Variants in N4BP3 observed in about 807,000 individuals in gnomAD.
N4BP3 encodes NEDD4 binding protein 3, also known as NEDD4-binding protein 3.
A neutral mutation model predicts 43.8 loss-of-function variants in N4BP3; 33 were observed. The ratio of observed to expected loss-of-function variants is 0.75; its 90% CI spans 0.57 to 1.01. N4BP3 has a LOEUF of 1.01. Ranked by LOEUF, N4BP3 falls within the 50% of genes least tolerant of loss-of-function variation. The pLI, the probability that N4BP3 is intolerant of heterozygous loss-of-function variation, is 0.00. For missense variants in N4BP3, 756 were observed against 744.2 expected, an observed-to-expected ratio of 1.02 and a Z score of -0.18; for synonymous variants, 326 against 321.9, an observed-to-expected ratio of 1.01 and a Z score of -0.14.
rs1757983315 is a variant in N4BP3 at position 178,123,613 on chromosome 5, T to C, written c.*1612T>C. On this transcript the variant is annotated 3_prime_UTR_variant, in exon 5 of 5. Coordinates refer to ENST00000274605, the MANE Select transcript of N4BP3 (RefSeq NM_015111.2). ...GCATGAGCTGGGGGGGCCCCCTTTT[T>C]CAGGGCAGAGAATGAGGCGTGTGCA... The C allele has an allele frequency of 1.3e-5, 2 of 153,086 alleles. No homozygotes were observed. The highest frequency in any genetic ancestry group is 1.3e-4 in the Admixed American group (2 of 15,286). 9.5% of individuals were successfully genotyped at this position (153,086 alleles called of 1,614,324 possible). A position where few individuals can be genotyped will look rare whatever the true frequency, so the allele number is the denominator to read the frequency against.
chr5:178,114,687 C>T (rs1190314368), intron 1 of N4BP3, among the ~76,000 whole-genome samples: 1 of 152,220 alleles, frequency 6.6e-6, no homozygotes, highest in African/African-American at 2.4e-5. Context: ...GCTTCTCTAC[C>T]GGCTGGCAGC....
At chr5:178,117,898 C>T (rs988187955) in intron 1 of N4BP3, among the ~76,000 whole-genome samples, 5 of 152,062 alleles carry the variant, frequency 3.3e-5, no homozygotes, top group Admixed American at 6.6e-5. Context: ...GTCCCCCTCC[C>T]GGAGAGCTTT....
downstream of N4BP3, among the ~76,000 whole-genome samples, chr5:178,126,763 A>G (rs1758073062): frequency 6.6e-6 from 1 of 152,204 alleles, no homozygotes; most frequent in Non-Finnish European, 1.5e-5. Flanking sequence ...ATTAACTCAC[A>G]GGAAAGGATA....
At chr5:178,126,668 TTC>T (rs1386054762), downstream of N4BP3, among the ~76,000 whole-genome samples, 3 of 152,164 alleles carry the variant, frequency 2.0e-5, no homozygotes, top group Non-Finnish European at 2.9e-5. Context: ...TTCTCTGATG[TTC>T]TCTTTTGTTT....
At position 178,113,600 on chromosome 5, in the gene N4BP3, T is replaced by G. The variant is rs1350296964; in HGVS notation, c.-202T>G. 6.6e-6 allele frequency: 1 copy of G among 151,650 alleles called. No individual in the cohort carries two copies. The highest frequency in any genetic ancestry group is 1.9e-4 in the East Asian group (1 of 5,146). 9.4% of individuals were successfully genotyped at this position (151,650 alleles called of 1,614,324 possible). On this transcript the variant is annotated 5_prime_UTR_variant, in exon 1 of 5. Transcript: ENST00000274605. The stretch of plus-strand genomic sequence containing the variant: ...CGCGTCCCTCCCTCGCCAATCCGGC[T>G]CCGGCGCCGGCGCCCGCCCGCGTTT...
rs1166814414 is a variant in N4BP3 at position 178,122,031 on chromosome 5, A to C, written c.*30A>C. ...AGCAGAGCGAGCTGACAGCAGCAAC[A>C]CTGTCAGAAGGTGCCCTGAGACGGC... On this transcript the variant is annotated 3_prime_UTR_variant, in exon 5 of 5. Coordinates refer to ENST00000274605, the MANE Select transcript of N4BP3 (RefSeq NM_015111.2). 6.4e-7 allele frequency: 1 copy of C among 1,555,716 alleles called. No individual in the cohort carries two copies. Among genetic ancestry groups the C allele is most frequent in the Admixed American group, 1.9e-5 (1 of 53,034 alleles).
chr5:178,126,816 A>G (rs1758074244), downstream of N4BP3, among the ~76,000 whole-genome samples: 1 of 152,138 alleles, frequency 6.6e-6, no homozygotes, highest in South Asian at 2.1e-4. Context: ...GCTGCTTGAG[A>G]GGTTTTATCT....
rs1757944431 is a variant in N4BP3 at position 178,122,038 on chromosome 5, G to A, written c.*37G>A. 6.5e-7 allele frequency: 1 copy of A among 1,543,992 alleles called. No individual in the cohort carries two copies. The highest frequency in any genetic ancestry group is 1.4e-5 in the African/African-American group (1 of 73,300). On this transcript the variant is annotated 3_prime_UTR_variant, in exon 5 of 5. Transcript: ENST00000274605. Reference sequence around the variant, plus strand: ...CGAGCTGACAGCAGCAACACTGTCAGAAGGTGCCCTGAGACGGCCGGCTCA... The same window carrying A: ...CGAGCTGACAGCAGCAACACTGTCAAAAGGTGCCCTGAGACGGCCGGCTCA...
chr5:178,115,071 G>A (rs887268082), intron 1 of N4BP3, among the ~76,000 whole-genome samples: 2 of 152,146 alleles, frequency 1.3e-5, no homozygotes, highest in East Asian at 3.8e-4. Context: ...CTCGCCTTCC[G>A]AGGCCTCAGT....
intron 1 of N4BP3, among the ~76,000 whole-genome samples, chr5:178,117,617 CAAAA>C (rs1158805938): frequency 2.9e-4 from 4 of 13,712 alleles, no homozygotes; most frequent in Non-Finnish European, 7.3e-4. Context: ...GACCCTGTCT[CAAAA>C]AAAAAAAAAA....
chr5:178,124,783 C>G lies in N4BP3; in HGVS notation c.*2782C>G, dbSNP rs1296660500. ...TGGCAAGCCCTTGTAGCCCTCTGAGCCCTCATCCTGCAGGCAGAGCCCCTC... is the reference window on the plus strand; with the variant it reads ...TGGCAAGCCCTTGTAGCCCTCTGAGGCCTCATCCTGCAGGCAGAGCCCCTC... On this transcript the variant is annotated 3_prime_UTR_variant, in exon 5 of 5. Coordinates refer to ENST00000274605, the MANE Select transcript of N4BP3 (RefSeq NM_015111.2). 6.6e-6 allele frequency: 1 copy of G among 152,624 alleles called. No individual in the cohort carries two copies. The highest frequency in any genetic ancestry group is 1.5e-5 in the Non-Finnish European group (1 of 68,374). The allele number at this position is 152,624 out of a possible 1,614,324, so 9.5% of individuals were successfully genotyped here.
chr5:178,121,197 A>C lies in N4BP3; in HGVS notation c.952A>C (p.Asn318His). 6.2e-7 allele frequency: 1 copy of C among 1,602,400 alleles called. No individual in the cohort carries two copies. The highest frequency in any genetic ancestry group is 8.5e-7 in the Non-Finnish European group (1 of 1,176,914). ...CCAGAAGGCTGAGCGCAGCGAGCGC[A>C]ACCTCCAGCTGCAGCTGTTTATGGC... ...VTQKAERSER[N>H]LQLQLFMAQQ... The change falls in exon 4 of 5, where the codon AAC becomes CAC. Residue 318 changes from asparagine to histidine, a missense_variant. Transcript: ENST00000274605.
At chr5:178,120,850 AGGT>A in intron 3 of N4BP3, 151 bp downstream of exon 3, 4 of 1,216,112 alleles carry the variant, frequency 3.3e-6, no homozygotes, top group Non-Finnish European at 4.4e-6. Context: ...TCTGCATCCC[AGGT>A]GGTGGGGATG....
Position 178,120,383 on chromosome 5 carries a change from A to G in N4BP3, c.536A>G (p.Glu179Gly), listed in dbSNP as rs1434408056. Reference protein sequence around the residue: ...AQLLHALSLDEGGPEPEPSLS... With the variant: ...AQLLHALSLDGGGPEPEPSLS... The stretch of plus-strand genomic sequence containing the variant: ...CTGCTGCACGCCCTCAGCCTAGATG[A>G]GGGCGGCCCTGAGCCCGAGCCCAGC... Residue 179 changes from glutamate (E) to glycine (G), a missense_variant, in exon 3 of 5, where the codon GAG (glutamate) becomes GGG (glycine). Transcript: ENST00000274605. The G allele has an allele frequency of 6.2e-7, 1 of 1,612,350 alleles. No homozygotes were observed. Among genetic ancestry groups the G allele is most frequent in the African/African-American group, 1.3e-5 (1 of 74,866 alleles).
rs545381444 is a variant in N4BP3, at chr5:178,122,418, C to T, written c.*417C>T. 1.6e-4 allele frequency: 29 copies of T among 179,348 alleles called. No homozygotes were observed. The highest frequency in any genetic ancestry group is 2.7e-4 in the Non-Finnish European group (23 of 84,394). 11.1% of individuals were successfully genotyped at this position (179,348 alleles called of 1,614,324 possible). A position where few individuals can be genotyped will look rare whatever the true frequency, so the allele number is the denominator to read the frequency against. ...TGTTTTCTACCAGAGGCTCAGAATA[C>T]GCTGAGCCTGTGACCAGAGGATGAT... is the stretch of plus-strand genomic sequence containing the variant. On this transcript the variant is annotated 3_prime_UTR_variant, in exon 5 of 5. Coordinates refer to ENST00000274605, the MANE Select transcript of N4BP3 (RefSeq NM_015111.2).
chr5:178,119,796 C>T lies in N4BP3; in HGVS notation c.213C>T (p.Asn71=), dbSNP rs762293747. ...AGAAGGACAGCAAGAGCACCAAGAA[C>T]ACCAAGCGGGCCCCTCGGAACGAGC... ...LPKKDSKSTK[N]TKRAPRNEPA... The change falls in exon 2 of 5, where the codon AAC becomes AAT. Residue 71 remains asparagine (N), a synonymous_variant. Transcript: ENST00000274605. The T allele has an allele frequency of 6.2e-7, 1 of 1,613,522 alleles. No individual in the cohort carries two copies. The highest frequency in any genetic ancestry group is 8.5e-7 in the Non-Finnish European group (1 of 1,180,028).
intron 1 of N4BP3, among the ~76,000 whole-genome samples, chr5:178,116,160 C>G (rs1435759230): frequency 1.3e-5 from 2 of 152,342 alleles, no homozygotes; most frequent in East Asian, 3.9e-4. Context: ...CCCTCCTCCC[C>G]CACCAAATCC....
Position 178,120,387 on chromosome 5 carries a change from C to G in N4BP3, c.540C>G (p.Gly180=), listed in dbSNP as rs758855387. ...TGCACGCCCTCAGCCTAGATGAGGG[C>G]GGCCCTGAGCCCGAGCCCAGCCTGT... ...QLLHALSLDE[G]GPEPEPSLSD... Residue 180 remains glycine (G), a synonymous_variant, in exon 3 of 5, where the codon GGC becomes GGG. Coordinates refer to ENST00000274605, the MANE Select transcript of N4BP3 (RefSeq NM_015111.2). 35 of 1,612,584 alleles carry G rather than the reference C, an allele frequency of 2.2e-5. No individual in the cohort carries two copies. The highest frequency in any genetic ancestry group is 1.1e-5 in the South Asian group (1 of 91,072).
chr5:178,113,846 G>A (rs978943667), intron 1 of N4BP3, 75 bp downstream of exon 1: 7 of 152,148 alleles, frequency 4.6e-5, no homozygotes, highest in African/African-American at 1.7e-4. Flanking sequence ...GGGTCGCCAA[G>A]GTCTTGTTTT....
Sources: gnomAD v4.1 joint callset for allele counts (sites outside exome capture counted in the v4.1 genomes callset) on GRCh38, gnomAD v4.1.1 for gene constraint, MANE v1.5 for transcripts, NCBI Gene and HGNC (gene_info 2026-07-23, HGNC 2026-07-21) for gene names.